Variants in MDN1 observed in about 807,000 individuals in gnomAD.
The protein encoded by MDN1 is midasin.
A neutral mutation model predicts 669.2 loss-of-function variants in MDN1; 266 were observed. That is an observed-to-expected ratio of 0.40 (90% confidence interval 0.36 to 0.44). The LOEUF (loss-of-function observed/expected upper bound fraction) is 0.44. MDN1 is among the 20% of genes least tolerant of loss of function. The pLI is 1.00. For missense variants in MDN1, 5,940 were observed against 6,754.0 expected (o/e 0.88, Z 4.22); for synonymous variants, 2,385 against 2,457.1 (o/e 0.97, Z 0.87).
intron 85 of MDN1, among the ~76,000 whole-genome samples, chr6:89,664,228 T>TCCCC (rs1315379073): frequency 2.9e-4 from 8 of 27,366 alleles, no homozygotes; most frequent in African/African-American, 1.1e-3. Context: ...CCTTTCAGGC[T>TCCCC]TCACTACTGA....
At chr6:89,704,847 T>C (rs1813413841) in intron 53 of MDN1, among the ~76,000 whole-genome samples, 1 of 152,202 alleles carries the variant, frequency 6.6e-6, no homozygotes, top group Non-Finnish European at 1.5e-5. Context: ...CCCAAAGTCC[T>C]GGGGTTAGAG....
intron 69 of MDN1, 130 bp from the exon 70 acceptor site, chr6:89,686,103 C>G: frequency 2.3e-6 from 2 of 871,440 alleles, no homozygotes; most frequent in Non-Finnish European, 3.4e-6. Flanking sequence ...AGCTCTCAAG[C>G]AAGGACCATG....
At chr6:89,683,982 A>C (rs1811826361) in intron 71 of MDN1, 78 bp from the exon 72 acceptor site, 6 of 1,101,054 alleles carry the variant, frequency 5.4e-6, no homozygotes, top group African/African-American at 1.5e-5. Context: ...TCTGTTCAGC[A>C]AAGACCAGAG....
chr6:89,763,854 T>C (rs932598493), intron 15 of MDN1, among the ~76,000 whole-genome samples: 23 of 152,152 alleles, frequency 1.5e-4, no homozygotes, highest in African/African-American at 5.6e-4. Context: ...AACATCAAAC[T>C]CACTTTCACT....
chr6:89,773,182 G>A (rs779302245), intron 13 of MDN1, among the ~76,000 whole-genome samples: 21 of 152,142 alleles, frequency 1.4e-4, no homozygotes, highest in Non-Finnish European at 2.1e-4. Flanking sequence ...AGGTCATATT[G>A]CATTAGGGTG....
intron 85 of MDN1, among the ~76,000 whole-genome samples, chr6:89,663,777 A>C (rs892631235): frequency 5.9e-5 from 9 of 151,740 alleles, no homozygotes; most frequent in African/African-American, 1.9e-4. Context: ...TACTAAAAAT[A>C]CAAAAAAAAA....
At chr6:89,795,480 C>A (rs6916801) in intron 2 of MDN1, among the ~76,000 whole-genome samples, 27,242 of 151,802 alleles carry the variant, frequency 0.18, 2,496 homozygotes, top group East Asian at 0.22. Flanking sequence ...GAGCCTGAAG[C>A]CTATTCAGGA....
intron 2 of MDN1, 37 bp from the exon 3 acceptor site, chr6:89,794,838 C>T: frequency 6.4e-7 from 1 of 1,559,300 alleles, no homozygotes; most frequent in Non-Finnish European, 8.8e-7. Flanking sequence ...CCCAACTTAA[C>T]AATGGTTGGA....
chr6:89,803,905 T>C (rs1454343761), intron 1 of MDN1, among the ~76,000 whole-genome samples: 1 of 104,774 alleles, frequency 9.5e-6, no homozygotes, highest in Non-Finnish European at 1.9e-5. Context: ...CTTTTTTTTT[T>C]TTTTTTTTTT....
At chr6:89,769,036 A>T (rs1472575523) in intron 15 of MDN1, among the ~76,000 whole-genome samples, 5 of 152,164 alleles carry the variant, frequency 3.3e-5, no homozygotes, top group Non-Finnish European at 7.3e-5. Flanking sequence ...TCTGGATGAC[A>T]AAGTGAGACC....
rs757666309 is a variant in MDN1, at chr6:89,687,350, T to G, written c.11444A>C (p.Glu3815Ala). The G allele has an allele frequency of 3.7e-6, 6 of 1,613,780 alleles. No homozygotes were observed. In the East Asian group the frequency reaches 1.1e-4, roughly 30 times the overall value. The change falls in exon 68 of 102, where the codon GAG (glutamate) becomes GCG (alanine). Residue 3815 changes from glutamate (E) to alanine (A), a missense_variant. Glu to Ala is a moderately radical substitution (Grantham distance 107). Transcript: ENST00000369393. ...GGGAAGGAGAGTCACTTACTTCAGC[T>G]CCAGTTTACGCCACCGAATGATCAT... is the stretch of plus-strand genomic sequence containing the variant. ...SQMIIRWRKLELNCWSMSLDN... is the reference protein window; with the variant it reads ...SQMIIRWRKLALNCWSMSLDN...
In MDN1 at chr6:89,710,738, G is replaced by A. The variant is rs1584244060; in HGVS notation, c.7708C>T (p.His2570Tyr). The change falls in exon 50 of 102, where the codon CAT becomes TAT. Residue 2570 changes from histidine to tyrosine, a missense_variant. His to Tyr is a moderately conservative substitution (Grantham distance 83). This residue lies in a region of MDN1 where 2,292 missense variants were observed against 2,638.3 expected (regional missense o/e 0.87). Coordinates refer to ENST00000369393, the MANE Select transcript of MDN1 (RefSeq NM_014611.3). ...SAASLRNFYS[H>Y]SLSGAVSNVF... The stretch of plus-strand genomic sequence containing the variant: ...TTACTGACTGCACCTGAGAGGGAAT[G>A]TGAGTAAAAATTCCTGAGAGATGCA... 2.5e-6 allele frequency: 4 copies of A among 1,602,616 alleles called. No individual in the cohort carries two copies. The highest frequency in any genetic ancestry group is 3.4e-6 in the Non-Finnish European group (4 of 1,175,812).
Position 89,719,116 on chromosome 6 carries a change from G to T in MDN1, c.6057+20C>A. On this transcript the variant is annotated intron_variant, in intron 41 of 101. Coordinates refer to ENST00000369393, the MANE Select transcript of MDN1 (RefSeq NM_014611.3). ...CATTAAAAAATGTCAAAGGATAGAG[G>T]ATTATCCTAGTCTCCTTACCTGAAC... The T allele has an allele frequency of 6.2e-7, 1 of 1,608,362 alleles. No individual in the cohort carries two copies. The highest frequency in any genetic ancestry group is 8.5e-7 in the Non-Finnish European group (1 of 1,174,802).
intron 32 of MDN1, 41 bp from the exon 33 acceptor site, chr6:89,738,496 G>T: frequency 1.2e-6 from 2 of 1,607,750 alleles, no homozygotes; most frequent in Non-Finnish European, 1.7e-6. Context: ...TTTTAAAACT[G>T]TAAGGAAAGC....
At chr6:89,768,413 CCTT>C (rs1418130803) in intron 15 of MDN1, among the ~76,000 whole-genome samples, 1 of 152,176 alleles carries the variant, frequency 6.6e-6, no homozygotes, top group Non-Finnish European at 1.5e-5. Flanking sequence ...CTTTGCTCCT[CCTT>C]GTCTTGTGCT....
chr6:89,700,982 TTATTTC>T, intron 55 of MDN1, 126 bp from the exon 56 acceptor site: 1 of 839,270 alleles, frequency 1.2e-6, no homozygotes, highest in Middle Eastern at 3.7e-4. Flanking sequence ...AAGGACTTGT[TTATTTC>T]TGTTGCTGTC....
chr6:89,672,422 T>G, intron 81 of MDN1, 59 bp from the exon 82 acceptor site: 1 of 1,602,152 alleles, frequency 6.2e-7, no homozygotes, highest in Non-Finnish European at 8.5e-7. Flanking sequence ...CAAATCCTTT[T>G]ATCTCTATCC....
chr6:89,787,750 C>T (rs1425123337), intron 8 of MDN1, 104 bp downstream of exon 8: 12 of 751,310 alleles, frequency 1.6e-5, no homozygotes, highest in Admixed American at 2.8e-5. Flanking sequence ...ACTAACCTTG[C>T]TTGAAGTAGA....
chr6:89,670,164 A>ATTTTTTTTTTTT (rs1234314950), intron 83 of MDN1, among the ~76,000 whole-genome samples: 2 of 18,272 alleles, frequency 1.1e-4, no homozygotes, highest in African/African-American at 5.1e-4. Context: ...ATATATATAT[A>ATTTTTTTTTTTT]TATATATTTT....
Sources: allele counts gnomAD v4.1 joint callset (sites outside exome capture counted in the v4.1 genomes callset), GRCh38; gene constraint gnomAD v4.1.1; regional missense constraint gnomAD v4.1.1; transcripts MANE v1.5; gene names NCBI Gene and HGNC (gene_info 2026-07-23, HGNC 2026-07-21).